The following ARAP2 variants were observed in gnomAD, a reference collection of about 807,000 sequenced individuals.
The protein encoded by ARAP2 is ArfGAP with RhoGAP domain, ankyrin repeat and PH domain 2.
In ARAP2, 148 loss-of-function variants were observed where a neutral mutation model predicts 194.5. The ratio of observed to expected loss-of-function variants is 0.76; its 90% CI spans 0.67 to 0.87. The LOEUF (loss-of-function observed/expected upper bound fraction) is 0.87. Ranked by LOEUF, ARAP2 falls within the 40% of genes least tolerant of loss-of-function variation. The probability of loss-of-function intolerance (pLI) is 0.00; values close to 1 mark genes in which losing one functional copy is unlikely to be tolerated. For missense variants in ARAP2, 2,128 were observed against 1,989.7 expected (o/e 1.07, Z -1.32); for synonymous variants, 695 against 683.5 (o/e 1.02, Z -0.26).
intron 15 of ARAP2, among the ~76,000 whole-genome samples, chr4:36,151,997 C>A (rs181689843): frequency 6.6e-6 from 1 of 152,064 alleles, no homozygotes; most frequent in Non-Finnish European, 1.5e-5. Flanking sequence ...AAACTAATTT[C>A]AAATTTTTCC....
chr4:36,053,520 T>C (rs1006885519), intron 2 of ARAP2, among the ~76,000 whole-genome samples: 1 of 152,154 alleles, frequency 6.6e-6, no homozygotes, highest in Non-Finnish European at 1.5e-5. Flanking sequence ...ATGTTTTCCA[T>C]CAAGATGCTG....
At chr4:36,007,414 AAGAAAGTTCATGTAAAATGGAGGCAGAG>A (rs1206716478) in intron 9 of ARAP2, among the ~76,000 whole-genome samples, 1 of 152,222 alleles carries the variant, frequency 6.6e-6, no homozygotes, top group Non-Finnish European at 1.5e-5. Context: ...GAGAAGGAAG[AAGAAAGTTCATGTAAAATGGAGGCAGAG>A]ATTGAAGCTA....
rs755560994 is a variant in ARAP2 at position 36,107,694 on chromosome 4, C to T, written c.4157-1G>A. 21 of 1,586,724 alleles carry T rather than the reference C, an allele frequency of 1.3e-5. No homozygotes were observed. Reference sequence around the variant, plus strand: ...TTTTCCTTGTAGTGAAGAGGACGCTCTGTAAAAAATAAATTCCAAATCAAA... The same window carrying T: ...TTTTCCTTGTAGTGAAGAGGACGCTTTGTAAAAAATAAATTCCAAATCAAA... On this transcript the variant is annotated splice_acceptor_variant, in intron 26 of 32. Transcript: ENST00000303965. LOFTEE classifies it high-confidence loss of function.
At chr4:36,186,509 C>T (rs1457593432) in intron 8 of ARAP2, among the ~76,000 whole-genome samples, 2 of 152,222 alleles carry the variant, frequency 1.3e-5, no homozygotes, top group South Asian at 4.1e-4. Flanking sequence ...GTGCGGTCAG[C>T]TAAAGCGGGG....
chr4:36,125,260 T>C (rs2109565703), intron 21 of ARAP2, among the ~76,000 whole-genome samples: 1 of 152,090 alleles, frequency 6.6e-6, no homozygotes, highest in South Asian at 2.1e-4. Flanking sequence ...ATCTTCTACT[T>C]TATGGAATAC....
At chr4:36,023,926 T>C (rs1022215942) in intron 5 of ARAP2, among the ~76,000 whole-genome samples, 10 of 151,518 alleles carry the variant, frequency 6.6e-5, no homozygotes, top group Non-Finnish European at 1.5e-4. Flanking sequence ...GTTCTTGCGA[T>C]AGTTTACTGA....
chr4:36,214,472 C>T lies in ARAP2; in HGVS notation c.914G>A (p.Arg305His), dbSNP rs770791957. Residue 305 changes from arginine (R) to histidine (H), a missense_variant, in exon 3 of 33, where the codon CGT (arginine) becomes CAT (histidine). By Grantham distance (29) the Arg-to-His change is conservative. Transcript: ENST00000303965. ...TGAGGTAGCAACATTTCTTCTTTCA[C>T]GGAAATAGCTTAAAAAGCAAAGGAG... ...STKGVSGSYF[R>H]ERRNVATSTE... 55 of 1,589,718 alleles carry T rather than the reference C, an allele frequency of 3.5e-5. No individual in the cohort carries two copies. The highest frequency in any genetic ancestry group is 2.7e-5 in the African/African-American group (2 of 74,082).
chr4:36,095,439 A>G (rs1714895019), intron 27 of ARAP2, among the ~76,000 whole-genome samples: 2 of 152,198 alleles, frequency 1.3e-5, no homozygotes, highest in East Asian at 3.9e-4. Flanking sequence ...GCCCAAAGAC[A>G]TAAAAATTAG....
chr4:36,166,882 C>T (rs1735401454), intron 10 of ARAP2, 50 bp downstream of exon 10: 1 of 1,176,582 alleles, frequency 8.5e-7, no homozygotes, highest in Non-Finnish European at 1.2e-6. Context: ...GGTGGATCAC[C>T]CAAGCTTTCC....
intron 9 of ARAP2, among the ~76,000 whole-genome samples, chr4:36,007,330 GT>G (rs1220547525): frequency 6.6e-6 from 1 of 152,008 alleles, no homozygotes; most frequent in African/African-American, 2.4e-5. Context: ...CAAAACACAA[GT>G]TTCCTTAAAA....
chr4:36,216,196 C>T (rs951322473), intron 2 of ARAP2, among the ~76,000 whole-genome samples: 4 of 151,954 alleles, frequency 2.6e-5, no homozygotes, highest in African/African-American at 7.3e-5. Flanking sequence ...GTTGAGGCTG[C>T]AGTGAGTCAT....
intron 26 of ARAP2, among the ~76,000 whole-genome samples, chr4:36,112,838 T>A (rs1720369952): frequency 6.6e-6 from 1 of 151,770 alleles, no homozygotes; most frequent in African/African-American, 2.4e-5. Flanking sequence ...GGTAAGAGTG[T>A]GAGCCAGATG....
intron 5 of ARAP2, among the ~76,000 whole-genome samples, chr4:36,038,562 T>A (rs1358201454): frequency 1.3e-5 from 2 of 152,226 alleles, no homozygotes; most frequent in East Asian, 1.9e-4. Flanking sequence ...TCTACAGAGT[T>A]CCTCAACAGA....
chr4:36,118,772 G>A (rs145719462), intron 24 of ARAP2, among the ~76,000 whole-genome samples: 4 of 151,532 alleles, frequency 2.6e-5, no homozygotes, highest in African/African-American at 9.6e-5. Flanking sequence ...TCCTTTGGAA[G>A]CTGCATAATT....
chr4:36,174,514 T>C (rs1459132308), intron 9 of ARAP2, among the ~76,000 whole-genome samples: 1 of 152,184 alleles, frequency 6.6e-6, no homozygotes, highest in Non-Finnish European at 1.5e-5. Context: ...CCACTTCTTC[T>C]TAAAGCCTAA....
At chr4:36,164,715 C>T (rs1021775336) in intron 11 of ARAP2, among the ~76,000 whole-genome samples, 199 bp downstream of exon 11, 3 of 152,174 alleles carry the variant, frequency 2.0e-5, no homozygotes, top group African/African-American at 7.2e-5. Context: ...TGATTGCATG[C>T]TTAAAAATCC....
chr4:36,144,795 T>C (rs1729232538), intron 19 of ARAP2, among the ~76,000 whole-genome samples: 1 of 151,906 alleles, frequency 6.6e-6, no homozygotes, highest in East Asian at 1.9e-4. Flanking sequence ...CAGATCCCTT[T>C]ATACACAGAT....
intron 5 of ARAP2, among the ~76,000 whole-genome samples, chr4:36,030,797 G>GT (rs34777330): frequency 0.085 from 1,360 of 16,060 alleles, 45 homozygotes; most frequent in African/African-American, 0.099. Flanking sequence ...CATTGTCTAC[G>GT]TTTTTTTTTT....
intron 5 of ARAP2, among the ~76,000 whole-genome samples, chr4:36,028,169 T>G (rs1243522101): frequency 6.6e-6 from 1 of 152,210 alleles, no homozygotes; most frequent in Non-Finnish European, 1.5e-5. Flanking sequence ...GTGTTATTAT[T>G]TTCAACGTAT....
Sources: gnomAD v4.1 joint callset for allele counts (sites outside exome capture counted in the v4.1 genomes callset) on GRCh38, gnomAD v4.1.1 for gene constraint, MANE v1.5 for transcripts, NCBI Gene and HGNC (gene_info 2026-07-23, HGNC 2026-07-21) for gene names.